The following SLC37A3 variants were observed in gnomAD, a reference collection of about 807,000 sequenced individuals.
SLC37A3 encodes solute carrier family 37 member 3.
SLC37A3 carries 51 observed loss-of-function variants against 67.1 expected under a neutral mutation model. The observed-to-expected ratio is 0.76, with a 90% CI of 0.61 to 0.96. The LOEUF (loss-of-function observed/expected upper bound fraction) is 0.96. SLC37A3 is among the 40% of genes least tolerant of loss of function. The pLI is 0.00. For missense variants in SLC37A3, 508 were observed against 603.0 expected (o/e 0.84, Z 1.65); for synonymous variants, 214 against 231.4 (o/e 0.92, Z 0.68).
intron 13 of SLC37A3, 102 bp downstream of exon 13, chr7:140,343,310 A>T: frequency 6.6e-7 from 1 of 1,525,054 alleles, no homozygotes; most frequent in East Asian, 2.2e-5. Flanking sequence ...ACAGCGTTCT[A>T]CAGCACAAGA....
intron 13 of SLC37A3, among the ~76,000 whole-genome samples, 192 bp downstream of exon 13, chr7:140,343,220 C>G (rs1796426265): frequency 6.6e-6 from 1 of 152,158 alleles, no homozygotes; most frequent in Admixed American, 6.5e-5. Context: ...AAAAAAGGAA[C>G]TAAAAACAAT....
At chr7:140,395,012 G>A (rs2129988098) in intron 1 of SLC37A3, among the ~76,000 whole-genome samples, 1 of 152,126 alleles carries the variant, frequency 6.6e-6, no homozygotes, top group East Asian at 1.9e-4. Flanking sequence ...TAAGGGTAAA[G>A]GTTAAAATAG....
intron 4 of SLC37A3, among the ~76,000 whole-genome samples, chr7:140,367,884 A>G (rs963323709): frequency 1.3e-5 from 2 of 149,676 alleles, no homozygotes; most frequent in African/African-American, 4.9e-5. Context: ...CAGTGACGCA[A>G]TCTCGGCTCA....
chr7:140,398,147 C>A (rs762324539), intron 1 of SLC37A3, among the ~76,000 whole-genome samples: 17 of 152,204 alleles, frequency 1.1e-4, no homozygotes, highest in Non-Finnish European at 2.5e-4. Flanking sequence ...AAGCCTCTGC[C>A]GCATGGATCG....
At chr7:140,363,762 A>AG (rs1797481657) in intron 5 of SLC37A3, among the ~76,000 whole-genome samples, 12 of 116,246 alleles carry the variant, frequency 1.0e-4, no homozygotes, top group Admixed American at 1.0e-3. Context: ...AAAAAAAAAA[A>AG]AAAGAAAGGA....
intron 6 of SLC37A3, 123 bp downstream of exon 6, chr7:140,358,517 G>A (rs1797126976): frequency 7.4e-7 from 1 of 1,348,112 alleles, no homozygotes; most frequent in East Asian, 2.3e-5. Flanking sequence ...GAACAACTCT[G>A]ACTTGCTAAC....
chr7:140,396,018 CT>C (rs796968784), intron 1 of SLC37A3, among the ~76,000 whole-genome samples: 128 of 144,936 alleles, frequency 8.8e-4, no homozygotes, highest in African/African-American at 7.8e-4. Context: ...ATACAACTAT[CT>C]TTTTTTTTTT....
intron 5 of SLC37A3, among the ~76,000 whole-genome samples, chr7:140,361,883 G>C (rs925186555): frequency 1.4e-5 from 2 of 145,004 alleles, no homozygotes; most frequent in Non-Finnish European, 3.0e-5. Flanking sequence ...GTGCAGTGGC[G>C]TGATCTCGGC....
intron 5 of SLC37A3, among the ~76,000 whole-genome samples, 155 bp downstream of exon 5, chr7:140,364,251 CGG>C (rs11266814): frequency 3.3e-5 from 5 of 149,670 alleles, no homozygotes; most frequent in East Asian, 2.0e-4. Context: ...GATTCTGTCT[CGG>C]GGGGGAAAAA....
intron 3 of SLC37A3, among the ~76,000 whole-genome samples, chr7:140,377,793 G>A (rs1798091106): frequency 1.3e-5 from 2 of 152,160 alleles, no homozygotes; most frequent in Admixed American, 1.3e-4. Flanking sequence ...CTACTCAGGA[G>A]GCTGAGGCAG....
rs748808645 is a variant in SLC37A3 at position 140,351,468 on chromosome 7, A to G, written c.704-17T>C. The stretch of plus-strand genomic sequence containing the variant: ...CCGAGAGACCTAAAATAACAGCGAC[A>G]GCCACTGTTTATGGAGTGCCTACCA... On this transcript the variant is annotated splice_polypyrimidine_tract_variant and intron_variant, in intron 8 of 14. Transcript: ENST00000326232. 5.0e-6 allele frequency: 8 copies of G among 1,611,330 alleles called. No individual in the cohort carries two copies. The highest frequency in any genetic ancestry group is 6.8e-6 in the Non-Finnish European group (8 of 1,178,256).
chr7:140,359,906 A>G (rs1371048817), intron 5 of SLC37A3, among the ~76,000 whole-genome samples: 6 of 152,216 alleles, frequency 3.9e-5, no homozygotes, highest in African/African-American at 1.4e-4. Context: ...TAAAAAATAC[A>G]TAAAACACAA....
At chr7:140,365,424 AAAAAAAAAAAAATTGGCCGAGTG>A (rs1797558347) in intron 4 of SLC37A3, among the ~76,000 whole-genome samples, 1 of 144,506 alleles carries the variant, frequency 6.9e-6, no homozygotes, top group Non-Finnish European at 1.5e-5. Context: ...ACCCATCTCT[AAAAAAAAAAAAATTGGCCGAGTG>A]CAGTAGCTCA....
At chr7:140,387,229 G>A (rs2129883796) in intron 1 of SLC37A3, among the ~76,000 whole-genome samples, 1 of 152,176 alleles carries the variant, frequency 6.6e-6, no homozygotes, top group Admixed American at 6.6e-5. Flanking sequence ...TCAGCAATTT[G>A]GGAGGCCGAG....
intron 1 of SLC37A3, among the ~76,000 whole-genome samples, chr7:140,392,776 G>GTATTATAT (rs577847150): frequency 9.9e-5 from 15 of 152,058 alleles, no homozygotes; most frequent in Non-Finnish European, 2.2e-4. Context: ...TTTTCAACTG[G>GTATTATAT]TATTATATGC....
intron 3 of SLC37A3, among the ~76,000 whole-genome samples, chr7:140,372,453 G>A (rs1158535273): frequency 6.6e-6 from 1 of 152,216 alleles, no homozygotes; most frequent in African/African-American, 2.4e-5. Flanking sequence ...CAAGAGCAGT[G>A]GAGAGAAACT....
chr7:140,362,829 C>T (rs1302420998), intron 5 of SLC37A3, among the ~76,000 whole-genome samples: 17 of 79,910 alleles, frequency 2.1e-4, no homozygotes, highest in African/African-American at 2.8e-4. Context: ...TGAGGGGCGC[C>T]TCTGCCCGGC....
rs897322062 is a variant in SLC37A3 at position 140,335,106 on chromosome 7, C to T, written c.*306G>A. 15 of 994,556 alleles carry T rather than the reference C, an allele frequency of 1.5e-5. No homozygotes were observed. Among genetic ancestry groups the T allele is most frequent in the East Asian group, 5.3e-5 (2 of 38,054 alleles). The allele number at this position is 994,556 out of a possible 1,614,324, so 61.6% of individuals were successfully genotyped here. A position where few individuals can be genotyped will look rare whatever the true frequency, so the allele number is the denominator to read the frequency against. On this transcript the variant is annotated 3_prime_UTR_variant, in exon 15 of 15. Transcript: ENST00000326232. ...TCCAAAACAACAGTTAAGGTTAAAA[C>T]GCTAAACCTCAATAGGCCAAACAAA...
chr7:140,367,721 C>A (rs1179188124), intron 4 of SLC37A3, among the ~76,000 whole-genome samples: 1 of 152,100 alleles, frequency 6.6e-6, no homozygotes, highest in East Asian at 1.9e-4. Context: ...GCTGTTCCTA[C>A]AGCCAGACAG....
Sources: allele counts gnomAD v4.1 joint callset (sites outside exome capture counted in the v4.1 genomes callset), GRCh38; gene constraint gnomAD v4.1.1; transcripts MANE v1.5; gene names NCBI Gene and HGNC (gene_info 2026-07-23, HGNC 2026-07-21).